MYO1H: variants seen among roughly 807,000 people sequenced by gnomAD.
The protein encoded by MYO1H is myosin IH.
A neutral mutation model predicts 149.3 loss-of-function variants in MYO1H; 118 were observed. That is an observed-to-expected ratio of 0.79 (90% CI 0.68 to 0.92). MYO1H has a LOEUF of 0.92. MYO1H is among the 40% of genes least tolerant of loss of function. The probability of loss-of-function intolerance (pLI) is 0.00; values close to 1 mark genes in which losing one functional copy is unlikely to be tolerated. For missense variants in MYO1H, 1,212 were observed against 1,280.7 expected (o/e 0.95, Z 0.82); for synonymous variants, 447 against 465.2 (o/e 0.96, Z 0.50).
intron 1 of MYO1H, among the ~76,000 whole-genome samples, chr12:109,379,577 A>G (rs1164173874): frequency 6.6e-6 from 1 of 152,186 alleles, no homozygotes; most frequent in African/African-American, 2.4e-5. Context: ...AATGAGGAAT[A>G]TCTCTCTAAA....
At chr12:109,378,043 C>T (rs79492027) in intron 1 of MYO1H, among the ~76,000 whole-genome samples, 7,337 of 152,252 alleles carry the variant, frequency 0.048, 275 homozygotes, top group Middle Eastern at 0.12. Flanking sequence ...ATTGATAACT[C>T]TTTTTCATCT....
At chr12:109,357,555 T>A (rs1006929274) in intron 1 of MYO1H, among the ~76,000 whole-genome samples, 1 of 152,260 alleles carries the variant, frequency 6.6e-6, no homozygotes, top group African/African-American at 2.4e-5. Flanking sequence ...TAGGCAAACA[T>A]AAATGTGTCT....
chr12:109,341,956 T>C, the MYO1H span, among the ~76,000 whole-genome samples: 1 of 152,138 alleles, frequency 6.6e-6, no homozygotes, highest in Non-Finnish European at 1.5e-5. Context: ...ATATATGGCC[T>C]GGTCATTGAT....
At chr12:109,401,355 G>T in intron 6 of MYO1H, 83 bp downstream of exon 6, 1 of 1,385,414 alleles carries the variant, frequency 7.2e-7, no homozygotes, top group Non-Finnish European at 9.8e-7. Flanking sequence ...TAGGATGTTT[G>T]AGACATTCTA....
chr12:109,404,177 A>G, intron 7 of MYO1H, 97 bp downstream of exon 7: 1 of 882,300 alleles, frequency 1.1e-6, no homozygotes, highest in South Asian at 1.5e-5. Context: ...CAAATTCAAC[A>G]AATAAAAATA....
intron 4 of MYO1H, among the ~76,000 whole-genome samples, chr12:109,396,819 T>TTTG: frequency 8.5e-6 from 1 of 118,284 alleles, no homozygotes; most frequent in African/African-American, 3.2e-5. Context: ...GTTTCGTTTT[T>TTTG]TTTTTTTTTT....
intron 1 of MYO1H, among the ~76,000 whole-genome samples, chr12:109,385,079 C>A (rs1378820057): frequency 6.6e-6 from 1 of 152,142 alleles, no homozygotes; most frequent in African/African-American, 2.4e-5. Flanking sequence ...GTGAAACTGA[C>A]AACCCTATGA....
At chr12:109,401,811 C>T (rs1460751497) in intron 6 of MYO1H, among the ~76,000 whole-genome samples, 1 of 151,778 alleles carries the variant, frequency 6.6e-6, no homozygotes, top group African/African-American at 2.4e-5. Context: ...ATAATAATGG[C>T]TCATTGCAGC....
At chr12:109,397,752 G>T (rs749577814) in exon 5 of MYO1H, 3 of 1,611,760 alleles carry the variant, frequency 1.9e-6, no homozygotes, top group Non-Finnish European at 2.5e-6. Flanking sequence ...ATGCCAGAAC[G>T]CTCCGGAATG....
chr12:109,345,065 T>G (rs1206396874), upstream of MYO1H, among the ~76,000 whole-genome samples: 1 of 152,094 alleles, frequency 6.6e-6, no homozygotes, highest in African/African-American at 2.4e-5. Flanking sequence ...ACATTATACT[T>G]AAAACACAAG....
At chr12:109,438,459 C>A in intron 22 of MYO1H, 77 bp from the exon 23 acceptor site, 1 of 1,170,732 alleles carries the variant, frequency 8.5e-7, no homozygotes, top group Non-Finnish European at 1.2e-6. Flanking sequence ...GTTGAATGGA[C>A]AAAGCCTTCT....
intron 2 of MYO1H, among the ~76,000 whole-genome samples, chr12:109,389,683 G>C (rs1337001473): frequency 6.6e-6 from 1 of 152,098 alleles, no homozygotes; most frequent in Non-Finnish European, 1.5e-5. Flanking sequence ...CGTTTTTCAG[G>C]TAAATTCCTC....
intron 21 of MYO1H, among the ~76,000 whole-genome samples, chr12:109,435,722 G>A (rs761967507): frequency 1.3e-5 from 2 of 152,198 alleles, no homozygotes; most frequent in African/African-American, 2.4e-5. Flanking sequence ...TATCGTCTCC[G>A]CTTTCTATGC....
At chr12:109,434,777 A>T (rs1433925195) in intron 20 of MYO1H, among the ~76,000 whole-genome samples, 1 of 151,912 alleles carries the variant, frequency 6.6e-6, no homozygotes, top group African/African-American at 2.4e-5. Context: ...TGTCCCTCCA[A>T]TCTCTGCCTC....
chr12:109,438,574 C>G (rs753876509), exon 23 of MYO1H: 2 of 1,613,392 alleles, frequency 1.2e-6, no homozygotes, highest in South Asian at 2.2e-5. Context: ...GGCCCTGGCT[C>G]GGAAGGCAAT....
At chr12:109,327,626 AT>A in the MYO1H span, among the ~76,000 whole-genome samples, 1 of 150,926 alleles carries the variant, frequency 6.6e-6, no homozygotes, top group Non-Finnish European at 1.5e-5. Flanking sequence ...GGTGCCTGTG[AT>A]CGCAGCTACT....
At chr12:109,397,857 T>G in intron 5 of MYO1H, 45 bp downstream of exon 5, 1 of 1,481,398 alleles carries the variant, frequency 6.8e-7, no homozygotes, top group Non-Finnish European at 9.2e-7. Context: ...CCCCTTATTT[T>G]GCCAGTGACG....
At chr12:109,381,281 C>G (rs1490407096) in intron 1 of MYO1H, among the ~76,000 whole-genome samples, 3 of 152,164 alleles carry the variant, frequency 2.0e-5, no homozygotes, top group African/African-American at 7.2e-5. Flanking sequence ...GGTATGACAG[C>G]ATGCACCTGT....
chr12:109,323,103 T>C, the MYO1H span, among the ~76,000 whole-genome samples: 1 of 152,066 alleles, frequency 6.6e-6, no homozygotes, highest in African/African-American at 2.4e-5. Context: ...TGAGACTGTC[T>C]CAAAAACAAA....
Sources: gnomAD v4.1 joint callset for allele counts (sites outside exome capture counted in the v4.1 genomes callset) on GRCh38, gnomAD v4.1.1 for gene constraint, MANE v1.5 for transcripts, NCBI Gene and HGNC (gene_info 2026-07-23, HGNC 2026-07-21) for gene names.